The following RPS27A variants were observed in gnomAD, a reference collection of about 807,000 sequenced individuals.
RPS27A encodes ubiquitin-ribosomal protein eS31 fusion protein.
In RPS27A, 1 loss-of-function variant was observed where a neutral mutation model predicts 18.9. The observed-to-expected ratio is 0.05, with a 90% CI of 0.02 to 0.25. RPS27A has a LOEUF of 0.25. Ranked by LOEUF, RPS27A falls within the 10% of genes least tolerant of loss-of-function variation. RPS27A has a pLI of 1.00. For missense variants in RPS27A, 123 were observed against 187.4 expected (o/e 0.66, Z 2.01); for synonymous variants, 77 against 63.7 (o/e 1.21, Z -0.99).
chr2:55,232,660 A>C, upstream of RPS27A: 3 of 717,388 alleles, frequency 4.2e-6, no homozygotes, highest in Non-Finnish European at 7.6e-6. Context: ...AGCTCCGGGA[A>C]ACCCCGTGGG....
upstream of RPS27A, chr2:55,231,919 C>T (rs1343831760): frequency 6.6e-6 from 1 of 152,184 alleles, no homozygotes; most frequent in Admixed American, 6.5e-5. Context: ...CAGACTCTTC[C>T]CTAGGCTGGG....
rs184180539 is a variant in RPS27A, at chr2:55,234,755, A to C, written c.190-76A>C. The C allele has an allele frequency of 5.4e-4, 838 of 1,555,226 alleles. 11 individuals carry two copies. The South Asian group carries it at 6.4e-3, about 12-fold the overall frequency. ...TTATTGTGTGCTGCTACTGCTTTTA[A>C]TTAGAAAATGCATAATGTTGGGTGT... is the stretch of plus-strand genomic sequence containing the variant. On this transcript the variant is annotated intron_variant, in intron 4 of 5. Transcript: ENST00000272317.
At position 55,232,850 on chromosome 2, in the gene RPS27A, C is replaced by T. The variant is rs1282209795; in HGVS notation, c.26C>T (p.Thr9Met). MQIFVKTL[T>M]GKTITLEVEP... ...ATGCAGATTTTCGTGAAAACCCTTACGGGGAAGACCATCACCCTCGAGGTA... is the reference window on the plus strand; with the variant it reads ...ATGCAGATTTTCGTGAAAACCCTTATGGGGAAGACCATCACCCTCGAGGTA... Residue 9 changes from threonine (T) to methionine (M), a missense_variant, in exon 2 of 6, where the codon ACG becomes ATG. By Grantham distance (81) the Thr-to-Met change is moderately conservative. Around this residue, in one of 2 missense-constraint regions of RPS27A, gnomAD observed 66 missense variants for 72.6 expected, o/e 0.91. Coordinates refer to ENST00000272317, the MANE Select transcript of RPS27A (RefSeq NM_002954.6). The T allele has an allele frequency of 1.2e-6, 2 of 1,613,186 alleles. No individual in the cohort carries two copies. The highest frequency in any genetic ancestry group is 1.7e-6 in the Non-Finnish European group (2 of 1,179,714).
intron 3 of RPS27A, 117 bp downstream of exon 3, chr2:55,233,534 T>G: frequency 1.3e-6 from 1 of 747,900 alleles, no homozygotes; most frequent in African/African-American, 1.7e-5. Context: ...CAAAGCGAAA[T>G]ACTTGTGGAA....
intron 2 of RPS27A, 51 bp downstream of exon 2, chr2:55,232,923 G>A (rs760271756): frequency 1.4e-6 from 2 of 1,432,134 alleles, no homozygotes; most frequent in African/African-American, 1.4e-5. Context: ...AGGTCCTGAG[G>A]TGGATTTTAG....
intron 3 of RPS27A, chr2:55,233,792 C>G: frequency 2.1e-6 from 1 of 472,724 alleles, no homozygotes. Flanking sequence ...CCATGCCTGG[C>G]TAATTTATTG....
At chr2:55,232,771 C>A in intron 1 of RPS27A, 37 bp from the exon 2 acceptor site, 1 of 1,540,224 alleles carries the variant, frequency 6.5e-7, no homozygotes, top group East Asian at 2.3e-5. Context: ...CTTGTGATCC[C>A]TGACCTAACC....
chr2:55,232,985 A>C (rs1235744866), intron 2 of RPS27A, 113 bp downstream of exon 2: 2 of 925,842 alleles, frequency 2.2e-6, no homozygotes, highest in African/African-American at 3.3e-5. Flanking sequence ...TTGGGTTCTA[A>C]AACTTAAGCT....
intron 5 of RPS27A, 32 bp from the exon 6 acceptor site, chr2:55,235,396 A>C (rs780129534): frequency 2.7e-5 from 43 of 1,610,934 alleles, no homozygotes; most frequent in Non-Finnish European, 3.6e-5. Flanking sequence ...TGTGTTGTAA[A>C]ATTATCTTAA....
chr2:55,233,216 G>A (rs1675581911), intron 2 of RPS27A, 147 bp from the exon 3 acceptor site: 1 of 760,172 alleles, frequency 1.3e-6, no homozygotes, highest in Admixed American at 2.0e-5. Flanking sequence ...AGCCGACTTG[G>A]GAGGTTGCCC....
chr2:55,232,792 T>C lies in RPS27A; in HGVS notation c.-17-16T>C. 1 of 1,602,112 alleles carries C rather than the reference T, an allele frequency of 6.2e-7. No homozygotes were observed. The highest frequency in any genetic ancestry group is 8.5e-7 in the Non-Finnish European group (1 of 1,172,300). ...ATCCCTGACCTAACCTGTCTCTTCC[T>C]TTTCCTCAACCTCAGGTGGAGCCGC... On this transcript the variant is annotated splice_polypyrimidine_tract_variant and intron_variant, in intron 1 of 5. Transcript: ENST00000272317.
rs938585789 is a variant in RPS27A, at chr2:55,232,720, C to T, written c.-18+12C>T. 1.2e-5 allele frequency: 12 copies of T among 998,338 alleles called. No homozygotes were observed. Among genetic ancestry groups the T allele is most frequent in the South Asian group, 2.7e-5 (2 of 73,336 alleles). 61.8% of individuals were successfully genotyped at this position (998,338 alleles called of 1,614,324 possible). A position where few individuals can be genotyped will look rare whatever the true frequency, so the allele number is the denominator to read the frequency against. The stretch of plus-strand genomic sequence containing the variant: ...ATCCGCCATCTGCGGTGGGTGTCTG[C>T]ACTTCGGCTGCTCTCGGGTTAGCAC... On this transcript the variant is annotated intron_variant, in intron 1 of 5. Coordinates refer to ENST00000272317, the MANE Select transcript of RPS27A (RefSeq NM_002954.6).
At chr2:55,233,633 T>C (rs945956321) in intron 3 of RPS27A, 40 of 568,612 alleles carry the variant, frequency 7.0e-5, no homozygotes, top group South Asian at 5.1e-4. Flanking sequence ...TGGACACTTA[T>C]TTATTTATTT....
chr2:55,235,690 G>A lies in RPS27A; in HGVS notation c.*113G>A. On this transcript the variant is annotated 3_prime_UTR_variant, in exon 6 of 6. Coordinates refer to ENST00000272317, the MANE Select transcript of RPS27A (RefSeq NM_002954.6). The stretch of plus-strand genomic sequence containing the variant: ...GGTCACACCATTTCCTTTTAGTAGT[G>A]CTACTGCTATCGCTGTGTGAATGTT... 1 of 1,200,218 alleles carries A rather than the reference G, an allele frequency of 8.3e-7. No individual in the cohort carries two copies. Among genetic ancestry groups the A allele is most frequent in the South Asian group, 1.2e-5 (1 of 81,124 alleles). 74.3% of individuals were successfully genotyped at this position (1,200,218 alleles called of 1,614,324 possible).
At chr2:55,233,008 C>T in intron 2 of RPS27A, 136 bp downstream of exon 2, 2 of 793,048 alleles carry the variant, frequency 2.5e-6, no homozygotes, top group South Asian at 2.9e-5. Context: ...GAAATGAGTA[C>T]CTTTTGCTGA....
At chr2:55,233,809 T>C in intron 3 of RPS27A, 1 of 486,458 alleles carries the variant, frequency 2.1e-6, no homozygotes, top group Non-Finnish European at 3.7e-6. Flanking sequence ...ATTGTATTTT[T>C]AGTAGAGACT....
intron 4 of RPS27A, chr2:55,234,454 G>T: frequency 1.8e-6 from 1 of 569,760 alleles, no homozygotes; most frequent in Non-Finnish European, 3.1e-6. Context: ...TTCCCACCGT[G>T]GCCTCCCAGC....
rs1675712801 is a variant in RPS27A at position 55,234,869 on chromosome 2, T to C, written c.228T>C (p.Gly76=). The change falls in exon 5 of 6, where the codon GGT becomes GGC. Residue 76 remains glycine (G), a synonymous_variant. Transcript: ENST00000272317. ...TLHLVLRLRG[G]AKKRKKKSYT... is the part of the protein sequence containing the mutation. ...ATCTTGTGTTGAGACTTCGTGGTGG[T>C]GCTAAGAAAAGGAAGAAGAAGTCTT... 6.2e-7 allele frequency: 1 copy of C among 1,612,610 alleles called. No homozygotes were observed. Among genetic ancestry groups the C allele is most frequent in the African/African-American group, 1.3e-5 (1 of 74,966 alleles).
At position 55,235,586 on chromosome 2, in the gene RPS27A, G is replaced by A. The variant is rs771159154; in HGVS notation, c.*9G>A. ...AACCAGAAGACAAGTAACTGTATGA[G>A]TTAATAAAAGACATGAACTAACATT... On this transcript the variant is annotated 3_prime_UTR_variant, in exon 6 of 6. Coordinates refer to ENST00000272317, the MANE Select transcript of RPS27A (RefSeq NM_002954.6). 1 of 1,599,924 alleles carries A rather than the reference G, an allele frequency of 6.3e-7. No individual in the cohort carries two copies. The highest frequency in any genetic ancestry group is 1.1e-5 in the South Asian group (1 of 91,002).
Sources: allele counts gnomAD v4.1 joint callset, GRCh38; gene constraint gnomAD v4.1.1; regional missense constraint gnomAD v4.1.1; transcripts MANE v1.5; gene names NCBI Gene and HGNC (gene_info 2026-07-23, HGNC 2026-07-21).